REPS2: variants seen among roughly 807,000 people sequenced by gnomAD.
The protein encoded by REPS2 is ralBP1-associated Eps domain-containing protein 2.
Under a neutral mutation model 53.6 loss-of-function variants are expected in REPS2, and 23 were observed. That is an observed-to-expected ratio of 0.43 (90% CI 0.31 to 0.61). The LOEUF (loss-of-function observed/expected upper bound fraction) is 0.61. REPS2 is among the 20% of genes least tolerant of loss of function. The probability of loss-of-function intolerance (pLI) is 0.11; values close to 1 mark genes in which losing one functional copy is unlikely to be tolerated. For synonymous variants in REPS2, 238 were observed against 218.6 expected (o/e 1.09, Z -0.78); for missense variants, 446 against 534.9 (o/e 0.83, Z 1.64).
intron 1 of REPS2, among the ~76,000 whole-genome samples, chrX:16,974,883 T>C (rs1028690390): frequency 9.2e-6 from 1 of 108,685 alleles, no homozygotes; most frequent in African/African-American, 3.3e-5. Flanking sequence ...CATCCTCCAA[T>C]AGGCCTCAGT....
At chrX:17,027,656 TA>T (rs2061661694) in intron 4 of REPS2, among the ~76,000 whole-genome samples, 1 of 96,259 alleles carries the variant, frequency 1.0e-5, no homozygotes, top group African/African-American at 3.9e-5. Flanking sequence ...ATGAAATCTT[TA>T]GGTTTTTTTT....
chrX:17,045,097 T>A (rs2061888391), intron 5 of REPS2, among the ~76,000 whole-genome samples: 1 of 110,256 alleles, frequency 9.1e-6, no homozygotes, highest in Non-Finnish European at 1.9e-5. Flanking sequence ...ACCTGGCTAA[T>A]TTTTTGTATT....
At chrX:17,050,182 C>CTTTT (rs757011975) in intron 6 of REPS2, among the ~76,000 whole-genome samples, 1 of 50,317 alleles carries the variant, frequency 2.0e-5, no homozygotes, top group Non-Finnish European at 3.3e-5. Context: ...TTCTTTCTTT[C>CTTTT]TTTCTTTCTT....
At chrX:16,967,750 A>G (rs933696943) in intron 1 of REPS2, among the ~76,000 whole-genome samples, 5 of 110,793 alleles carry the variant, frequency 4.5e-5, no homozygotes, top group Non-Finnish European at 7.6e-5. Context: ...TCTTTCTTCC[A>G]CTAAACGTTT....
intron 1 of REPS2, among the ~76,000 whole-genome samples, chrX:16,952,290 A>G (rs1464200373): frequency 9.0e-6 from 1 of 111,209 alleles, no homozygotes; most frequent in Non-Finnish European, 1.9e-5. Flanking sequence ...ATGTTTTCTC[A>G]TTGTTCAGCT....
Position 17,099,884 on chromosome X carries a change from G to A in REPS2, c.1517-3834G>A, listed in dbSNP as rs1044090298. ...TGACATTGACTTCCTTGGCAGGGAC[G>A]AGGTCAGCCTCATCAGAATTTTTCC... On this transcript the variant is annotated intron_variant, in intron 13 of 17. Transcript: ENST00000357277. The A allele has an allele frequency of 3.1e-5, 25 of 794,001 alleles. No homozygotes were observed. In the African/African-American group the frequency reaches 4.1e-4, roughly 13 times the overall value. 65.4% of individuals were successfully genotyped at this position (794,001 alleles called of 1,213,427 possible).
chrX:17,011,295 G>T (rs1477321108), intron 2 of REPS2, among the ~76,000 whole-genome samples: 1 of 111,727 alleles, frequency 9.0e-6, no homozygotes, highest in Admixed American at 9.5e-5. Context: ...TGGCAAAACA[G>T]CTAGGGCAGA....
At chrX:17,112,293 G>C (rs1291277251) in intron 14 of REPS2, among the ~76,000 whole-genome samples, 2 of 111,494 alleles carry the variant, frequency 1.8e-5, no homozygotes, top group African/African-American at 6.5e-5. Flanking sequence ...AGAGGAAAGA[G>C]GACTGGCATG....
chrX:17,110,548 C>T (rs985579370), intron 14 of REPS2, among the ~76,000 whole-genome samples: 4 of 105,471 alleles, frequency 3.8e-5, no homozygotes, highest in Admixed American at 1.0e-4. Flanking sequence ...AAAAATTAGC[C>T]GGGCGGGGTG....
intron 13 of REPS2, among the ~76,000 whole-genome samples, chrX:17,100,901 C>A (rs2062785455): frequency 9.0e-6 from 1 of 111,006 alleles, no homozygotes; most frequent in Admixed American, 9.5e-5. Context: ...AATGATCATG[C>A]CACTGCACTC....
At chrX:17,177,128 A>G in the REPS2 span, among the ~76,000 whole-genome samples, 1 of 112,136 alleles carries the variant, frequency 8.9e-6, no homozygotes, top group Non-Finnish European at 1.9e-5. Context: ...TAAGACTGAA[A>G]GTGTTCCCTT....
intron 5 of REPS2, among the ~76,000 whole-genome samples, chrX:17,032,847 T>C (rs1173660048): frequency 2.7e-5 from 3 of 112,334 alleles, no homozygotes; most frequent in Non-Finnish European, 5.6e-5. Flanking sequence ...ATTTGTCTTT[T>C]TGCTTACTAT....
intron 1 of REPS2, among the ~76,000 whole-genome samples, chrX:17,000,040 C>G (rs1226674598): frequency 1.1e-5 from 1 of 87,899 alleles, no homozygotes; most frequent in Non-Finnish European, 2.2e-5. Flanking sequence ...GAGCGAGACT[C>G]CGTCTCAAAA....
intron 1 of REPS2, among the ~76,000 whole-genome samples, chrX:16,975,927 AG>A (rs887995333): frequency 1.8e-5 from 2 of 112,343 alleles, no homozygotes; most frequent in African/African-American, 6.5e-5. Flanking sequence ...TTTAATTTAA[AG>A]TTCACTATAA....
intron 6 of REPS2, 127 bp downstream of exon 6, chrX:17,047,609 T>G: frequency 1.2e-6 from 1 of 865,405 alleles, no homozygotes; most frequent in Non-Finnish European, 1.6e-6. Flanking sequence ...AAAGTCGAAT[T>G]TCTTATCAGA....
In REPS2 at chrX:16,993,462, A is replaced by G. The variant is rs999346740; in HGVS notation, c.274-12759A>G. 7.2e-5 allele frequency among the ~76,000 whole-genome samples: 8 copies of G among 111,392 alleles called. 1 individual carries two copies. The highest frequency in any genetic ancestry group is 2.6e-4 in the African/African-American group (8 of 30,597). On this transcript the variant is annotated intron_variant, in intron 1 of 17. Coordinates refer to ENST00000357277, the MANE Select transcript of REPS2 (RefSeq NM_004726.3). ...TGTGTGGGTTTTGATCCTAGGCGTG[A>G]GGTAGAGCTTCAGTTTCTTGCTGCT...
chrX:17,119,296 A>C (rs1431449490), intron 14 of REPS2, among the ~76,000 whole-genome samples: 1 of 112,558 alleles, frequency 8.9e-6, no homozygotes, highest in Non-Finnish European at 1.9e-5. Context: ...TTAACAATCA[A>C]ACTGACACAC....
chrX:16,978,282 G>A (rs1469179731), intron 1 of REPS2, among the ~76,000 whole-genome samples: 1 of 111,956 alleles, frequency 8.9e-6, no homozygotes, highest in East Asian at 2.8e-4. Flanking sequence ...GCTTGTTTTG[G>A]ATTACTGAGT....
Position 17,106,933 on chromosome X carries a change from T to G in REPS2, c.1578+3154T>G, listed in dbSNP as rs1204501191. Among the ~76,000 whole-genome samples, 3 of 111,658 alleles carry G rather than the reference T, an allele frequency of 2.7e-5. No individual in the cohort carries two copies. The East Asian group carries it at 8.4e-4, about 31-fold the overall frequency. On this transcript the variant is annotated intron_variant, in intron 14 of 17. Coordinates refer to ENST00000357277, the MANE Select transcript of REPS2 (RefSeq NM_004726.3). ...TAACCAAAAGAGCATGGTACTGGTA[T>G]CAAAATAGACATATAGACTAGTGGA...
Sources: allele counts gnomAD v4.1 joint callset (sites outside exome capture counted in the v4.1 genomes callset), GRCh38; gene constraint gnomAD v4.1.1; transcripts MANE v1.5; gene names NCBI Gene and HGNC (gene_info 2026-07-23, HGNC 2026-07-21).